Variants in SLC30A8 observed in about 807,000 individuals in gnomAD.
The protein encoded by SLC30A8 is solute carrier family 30 member 8.
A neutral mutation model predicts 36.9 loss-of-function variants in SLC30A8; 27 were observed. That is an observed-to-expected ratio of 0.73 (90% CI 0.54 to 1.01). The LOEUF (loss-of-function observed/expected upper bound fraction) is 1.01. SLC30A8 is among the 50% of genes least tolerant of loss of function. The probability of loss-of-function intolerance (pLI) is 0.00; values close to 1 mark genes in which losing one functional copy is unlikely to be tolerated. For missense variants in SLC30A8, 439 were observed against 452.0 expected (o/e 0.97, Z 0.26); for synonymous variants, 164 against 172.4 (o/e 0.95, Z 0.38).
rs1287896728 is a variant in SLC30A8 at position 117,146,992 on chromosome 8, G to A, written c.110G>A (p.Cys37Tyr). Residue 37 changes from cysteine (C) to tyrosine (Y), a missense_variant, in exon 2 of 8, where the codon TGT becomes TAT. Coordinates refer to ENST00000456015, the MANE Select transcript of SLC30A8 (RefSeq NM_173851.3). Reference sequence around the variant, plus strand: ...CAGAAACCGGTGAATAAAGATCAGTGTCCCAGAGAGAGACCAGAGGAGCTG... The same window carrying A: ...CAGAAACCGGTGAATAAAGATCAGTATCCCAGAGAGAGACCAGAGGAGCTG... ...LQQKPVNKDQ[C>Y]PRERPEELES... The A allele has an allele frequency of 1.9e-6, 3 of 1,614,004 alleles. No homozygotes were observed. Among genetic ancestry groups the A allele is most frequent in the Non-Finnish European group, 2.5e-6 (3 of 1,180,016 alleles).
At chr8:117,163,344 A>C in intron 5 of SLC30A8, 81 bp from the exon 6 acceptor site, 1 of 1,032,614 alleles carries the variant, frequency 9.7e-7, no homozygotes, top group East Asian at 2.4e-5. Context: ...AGACACAGGG[A>C]GGTTTACTTA....
In SLC30A8 at chr8:117,068,365, A is replaced by G. The variant is rs561890350; in HGVS notation, c.-226+29107A>G. Among the ~76,000 whole-genome samples, 4 of 152,306 alleles carry G rather than the reference A, an allele frequency of 2.6e-5. No homozygotes were observed. The South Asian group carries it at 8.3e-4, about 32-fold the overall frequency. ...AGCTTTAGGTTCAGATAGACATGCT[A>G]AAAGTGAACAAATGGGGCAAATTTT... On this transcript the variant is annotated intron_variant, in intron 2 of 10. Coordinates refer to the SLC30A8 transcript ENST00000427715.
At chr8:117,152,032 G>A (rs936459233) in intron 2 of SLC30A8, among the ~76,000 whole-genome samples, 3 of 152,180 alleles carry the variant, frequency 2.0e-5, no homozygotes, top group Non-Finnish European at 2.9e-5. Flanking sequence ...TAAAAATTAG[G>A]CGAGACAAGG....
chr8:117,170,758 G>T (rs768755220), intron 6 of SLC30A8, among the ~76,000 whole-genome samples: 2 of 152,122 alleles, frequency 1.3e-5, no homozygotes, highest in Non-Finnish European at 2.9e-5. Flanking sequence ...GTTGGAAAAG[G>T]CACAGTTAGT....
intron 2 of SLC30A8, among the ~76,000 whole-genome samples, chr8:117,070,313 G>A (rs1818293251): frequency 6.6e-6 from 1 of 152,182 alleles, no homozygotes; most frequent in Non-Finnish European, 1.5e-5. Flanking sequence ...TGGGCTGGAA[G>A]GTCTGATATG....
intron 1 of SLC30A8, among the ~76,000 whole-genome samples, chr8:116,984,347 A>G (rs1013490419): frequency 2.0e-5 from 3 of 152,168 alleles, no homozygotes; most frequent in Admixed American, 1.3e-4. Context: ...CTGTTAAGTC[A>G]TATAGTAGTT....
chr8:116,976,694 G>A (rs948654352), intron 1 of SLC30A8, among the ~76,000 whole-genome samples: 5 of 152,134 alleles, frequency 3.3e-5, no homozygotes, highest in African/African-American at 1.2e-4. Flanking sequence ...ACATCACAAT[G>A]TAGGTTACCT....
chr8:117,049,737 G>A (rs949452704), intron 2 of SLC30A8, among the ~76,000 whole-genome samples: 1 of 152,100 alleles, frequency 6.6e-6, no homozygotes, highest in African/African-American at 2.4e-5. Context: ...ATAAGCAAGA[G>A]CCCCCTGGCC....
chr8:116,985,950 A>G lies in SLC30A8; in HGVS notation c.-266+34831A>G, dbSNP rs117037002. ...ATATGTGCTAAGGTTTTACAAAATA[A>G]AAAAGATGCTTCTGAAACCAACTGG... On this transcript the variant is annotated intron_variant, in intron 1 of 10. Transcript: ENST00000427715. Among the ~76,000 whole-genome samples, 1,347 of 152,328 alleles carry G rather than the reference A, an allele frequency of 8.8e-3. 5 individuals are homozygous for G. Among genetic ancestry groups the G allele is most frequent in the Non-Finnish European group, 0.015 (1,010 of 68,020 alleles).
chr8:116,979,117 G>A (rs1448522897), intron 1 of SLC30A8, among the ~76,000 whole-genome samples: 3 of 150,476 alleles, frequency 2.0e-5, no homozygotes, highest in Non-Finnish European at 4.4e-5. Flanking sequence ...CACGCTTGTA[G>A]TATCCCAGCT....
At chr8:117,031,471 T>C (rs528000057) in intron 1 of SLC30A8, among the ~76,000 whole-genome samples, 3 of 152,032 alleles carry the variant, frequency 2.0e-5, no homozygotes, top group Admixed American at 6.6e-5. Context: ...TCTTTTCTTT[T>C]TTTTTTTAAT....
At chr8:117,050,453 T>A (rs1356851551) in intron 2 of SLC30A8, among the ~76,000 whole-genome samples, 1 of 151,820 alleles carries the variant, frequency 6.6e-6, no homozygotes, top group Non-Finnish European at 1.5e-5. Flanking sequence ...TTGCCCAGGC[T>A]GGAATGCAGT....
chr8:117,077,086 T>C (rs1238579203), intron 2 of SLC30A8, among the ~76,000 whole-genome samples: 1 of 152,206 alleles, frequency 6.6e-6, no homozygotes, highest in Non-Finnish European at 1.5e-5. Context: ...TAGCTCTTGA[T>C]AGACCACCTG....
intron 2 of SLC30A8, among the ~76,000 whole-genome samples, chr8:117,052,584 T>A (rs779184800): frequency 1.6e-4 from 24 of 152,206 alleles, no homozygotes; most frequent in Admixed American, 3.3e-4. Flanking sequence ...AATCAGGATT[T>A]GTTCATTTCA....
At chr8:117,026,180 A>G (rs904443607) in intron 1 of SLC30A8, among the ~76,000 whole-genome samples, 2 of 152,126 alleles carry the variant, frequency 1.3e-5, no homozygotes, top group African/African-American at 4.8e-5. Flanking sequence ...GTTATAATTA[A>G]CTTCCATATA....
intron 2 of SLC30A8, among the ~76,000 whole-genome samples, chr8:117,053,524 T>TGAGCCC (rs1215618907): frequency 6.6e-6 from 1 of 152,180 alleles, no homozygotes; most frequent in African/African-American, 2.4e-5. Flanking sequence ...CCTGGATGTC[T>TGAGCCC]GAGCCCGAGC....
At chr8:117,060,965 G>A (rs542803429) in intron 2 of SLC30A8, among the ~76,000 whole-genome samples, 2 of 151,244 alleles carry the variant, frequency 1.3e-5, no homozygotes, top group South Asian at 2.1e-4. Context: ...CTTTCTCTAC[G>A]TTTGAGCAAT....
intron 1 of SLC30A8, among the ~76,000 whole-genome samples, chr8:116,985,455 G>A (rs1219435283): frequency 6.6e-6 from 1 of 151,834 alleles, no homozygotes; most frequent in Non-Finnish European, 1.5e-5. Flanking sequence ...TAACCTTCCT[G>A]CTAATAATAG....
chr8:117,160,402 C>T (rs1022356459), intron 4 of SLC30A8, among the ~76,000 whole-genome samples: 2 of 118,732 alleles, frequency 1.7e-5, no homozygotes, highest in Non-Finnish European at 3.5e-5. Flanking sequence ...GAATTTTCCA[C>T]TTGTGTGTGT....
Sources: allele counts gnomAD v4.1 joint callset (sites outside exome capture counted in the v4.1 genomes callset), GRCh38; gene constraint gnomAD v4.1.1; transcripts MANE v1.5; gene names NCBI Gene and HGNC (gene_info 2026-07-23, HGNC 2026-07-21).